EED: variants seen among roughly 807,000 people sequenced by gnomAD.
EED encodes the protein polycomb protein EED.
Under a neutral mutation model 61.0 loss-of-function variants are expected in EED, and 9 were observed. That is an observed-to-expected ratio of 0.15 (90% CI 0.09 to 0.26). The LOEUF is 0.26. Among genes scored for constraint, EED ranks in the 10% least tolerant of loss-of-function variants. The pLI, the probability that EED is intolerant of heterozygous loss-of-function variation, is 1.00. For synonymous variants in EED, 187 were observed against 174.4 expected (o/e 1.07, Z -0.57); for missense variants, 315 against 542.3 (o/e 0.58, Z 4.16).
chr11:86,277,641 G>A, intron 10 of EED: 1 of 234,694 alleles, frequency 4.3e-6, no homozygotes, highest in African/African-American at 2.2e-5. Flanking sequence ...TTTCTTGAAG[G>A]CAGAAGAAAA....
intron 6 of EED, among the ~76,000 whole-genome samples, chr11:86,263,099 C>G (rs995983574): frequency 6.6e-6 from 1 of 152,190 alleles, no homozygotes; most frequent in Non-Finnish European, 1.5e-5. Flanking sequence ...AACCATCACA[C>G]CCTGCCAACA....
the EED span, chr11:86,284,372 A>G: frequency 6.6e-6 from 1 of 152,246 alleles, no homozygotes; most frequent in African/African-American, 2.4e-5. Context: ...CAGTGTTGTG[A>G]TAACCTGTGA....
intron 4 of EED, among the ~76,000 whole-genome samples, 153 bp from the exon 5 acceptor site, chr11:86,256,234 A>G (rs1369256110): frequency 6.6e-6 from 1 of 152,212 alleles, no homozygotes; most frequent in Non-Finnish European, 1.5e-5. Flanking sequence ...TGGATTTTAG[A>G]CCTCAAATCA....
At chr11:86,264,091 T>A (rs1394298697) in intron 6 of EED, 81 bp from the exon 7 acceptor site, 1 of 1,080,616 alleles carries the variant, frequency 9.3e-7, no homozygotes, top group African/African-American at 1.6e-5. Context: ...CATCTAGACT[T>A]TAGTAGTTTT....
chr11:86,258,084 T>A (rs1307068005), intron 6 of EED, among the ~76,000 whole-genome samples: 1 of 152,184 alleles, frequency 6.6e-6, no homozygotes, highest in Admixed American at 6.5e-5. Flanking sequence ...TTTCCTGATC[T>A]TCTTACTCCT....
chr11:86,264,330 G>T (rs1593751017), intron 7 of EED, 67 bp downstream of exon 7: 2 of 1,125,754 alleles, frequency 1.8e-6, no homozygotes, highest in East Asian at 4.8e-5. Context: ...CCATGGAACT[G>T]TTTCCTTATA....
chr11:86,261,810 A>G (rs1015713555), intron 6 of EED, among the ~76,000 whole-genome samples: 1 of 152,174 alleles, frequency 6.6e-6, no homozygotes, highest in Non-Finnish European at 1.5e-5. Flanking sequence ...CTGCCTTGGA[A>G]TAGGGGGAGC....
chr11:86,244,756 C>G lies in EED; in HGVS notation c.-474C>G, dbSNP rs1593709469. 1.7e-5 allele frequency: 4 copies of G among 232,824 alleles called. No homozygotes were observed. In the East Asian group the frequency reaches 2.5e-4, roughly 15 times the overall value. The allele number at this position is 232,824 out of a possible 1,614,324, so 14.4% of individuals were successfully genotyped here. The stretch of plus-strand genomic sequence containing the variant: ...TGGGACATTGGTGGTGTAGCCCATT[C>G]CACAGACTTTCGCTCCCTAGCAGCG... On this transcript the variant is annotated 5_prime_UTR_variant, in exon 1 of 12. Coordinates refer to ENST00000263360, the MANE Select transcript of EED (RefSeq NM_003797.5).
intron 2 of EED, among the ~76,000 whole-genome samples, chr11:86,251,554 G>A (rs1945531205): frequency 6.6e-6 from 1 of 152,172 alleles, no homozygotes; most frequent in South Asian, 2.1e-4. Flanking sequence ...ATAACTTTGT[G>A]AACAAAAGTG....
At chr11:86,255,466 G>A (rs936552083) in intron 4 of EED, among the ~76,000 whole-genome samples, 179 bp downstream of exon 4, 3 of 152,124 alleles carry the variant, frequency 2.0e-5, no homozygotes, top group South Asian at 2.1e-4. Flanking sequence ...ATCCATTGTG[G>A]TATGTGTCAA....
chr11:86,250,186 C>G, intron 1 of EED, 110 bp from the exon 2 acceptor site: 1 of 1,039,182 alleles, frequency 9.6e-7, no homozygotes, highest in Non-Finnish European at 1.3e-6. Flanking sequence ...TTTTTTTCTT[C>G]TTGTAGAAAT....
chr11:86,272,180 C>G (rs1294381420), intron 9 of EED, among the ~76,000 whole-genome samples: 30 of 146,014 alleles, frequency 2.1e-4, no homozygotes, highest in Non-Finnish European at 4.5e-5. Flanking sequence ...GCCTTAGCCT[C>G]CTGAGTAGCT....
intron 1 of EED, among the ~76,000 whole-genome samples, chr11:86,249,341 T>G (rs1378069336): frequency 7.0e-6 from 1 of 143,142 alleles, no homozygotes; most frequent in Non-Finnish European, 1.5e-5. Context: ...AAATAGCCCC[T>G]AAAGCAGTGT....
At chr11:86,252,510 C>CA (rs564316200) in intron 3 of EED, among the ~76,000 whole-genome samples, 6,502 of 15,006 alleles carry the variant, frequency 0.43, 205 homozygotes, top group Middle Eastern at 0.5. Context: ...AAAGAATTGG[C>CA]GTCCTTTTTT....
At chr11:86,257,340 CTTTT>C (rs374892814) in intron 5 of EED, among the ~76,000 whole-genome samples, 171 bp from the exon 6 acceptor site, 1 of 101,808 alleles carries the variant, frequency 9.8e-6, no homozygotes, top group Non-Finnish European at 2.2e-5. Context: ...TGCCTGGGGT[CTTTT>C]TTTTTTTTTT....
At chr11:86,257,625 G>A in intron 6 of EED, 29 bp downstream of exon 6, 6 of 1,571,054 alleles carry the variant, frequency 3.8e-6, no homozygotes, top group Non-Finnish European at 5.2e-6. Context: ...TCTTGAGTCT[G>A]TGCAATTTGT....
At chr11:86,263,625 C>T (rs773766683) in intron 6 of EED, among the ~76,000 whole-genome samples, 5 of 152,184 alleles carry the variant, frequency 3.3e-5, no homozygotes, top group Non-Finnish European at 7.3e-5. Context: ...AAGCAGTCCT[C>T]CCATCTTGGC....
In EED at chr11:86,277,808, G is replaced by C. The variant is rs1946267028; in HGVS notation, c.1126-110G>C. ...CCAAAGAAATAGCCAAGAGCACAGA[G>C]GCTGGAACTGAGCTTTTTCTGAAAC... On this transcript the variant is annotated intron_variant, in intron 10 of 11. Transcript: ENST00000263360. 2.9e-6 allele frequency: 3 copies of C among 1,035,556 alleles called. No individual in the cohort carries two copies. The South Asian group carries it at 6.8e-5, about 23-fold the overall frequency. 64.1% of individuals were successfully genotyped at this position (1,035,556 alleles called of 1,614,324 possible).
In EED at chr11:86,244,969, A is replaced by T; in HGVS notation, c.-261A>T. Reference sequence around the variant, plus strand: ...AGACTGCCGGGAGGGCGGCGGGAAAAGGGCAAGACGGGAGTTGGGGAAGGG... The same window carrying T: ...AGACTGCCGGGAGGGCGGCGGGAAATGGGCAAGACGGGAGTTGGGGAAGGG... On this transcript the variant is annotated 5_prime_UTR_variant, in exon 1 of 12. It adds an upstream start codon to the 5' untranslated region. Transcript: ENST00000263360. The T allele has an allele frequency of 2.5e-6, 1 of 406,564 alleles. No individual in the cohort carries two copies. The highest frequency in any genetic ancestry group is 4.4e-6 in the Non-Finnish European group (1 of 226,478). 25.2% of individuals were successfully genotyped at this position (406,564 alleles called of 1,614,324 possible).
Sources: allele counts gnomAD v4.1 joint callset (sites outside exome capture counted in the v4.1 genomes callset), GRCh38; gene constraint gnomAD v4.1.1; transcripts MANE v1.5; gene names NCBI Gene and HGNC (gene_info 2026-07-23, HGNC 2026-07-21).